The following SLC34A1 variants were observed in gnomAD, a reference collection of about 807,000 sequenced individuals.
SLC34A1 encodes solute carrier family 34 member 1.
In SLC34A1, 57 loss-of-function variants were observed where a neutral mutation model predicts 51.4. The ratio of observed to expected loss-of-function variants is 1.11; its 90% CI spans 0.90 to 1.38. SLC34A1 has a LOEUF of 1.38. Among genes scored for constraint, SLC34A1 ranks in the 40% most tolerant of loss-of-function variants. The probability of loss-of-function intolerance (pLI) is 0.00; values close to 1 mark genes in which losing one functional copy is unlikely to be tolerated. For synonymous variants in SLC34A1, 368 were observed against 358.0 expected, an observed-to-expected ratio of 1.03 and a Z score of -0.32; for missense variants, 796 against 835.6, an observed-to-expected ratio of 0.95 and a Z score of 0.58.
Position 177,386,255 on chromosome 5 carries a change from C to T in SLC34A1, c.294C>T (p.Gly98=), listed in dbSNP as rs767269039. 44 of 1,613,920 alleles carry T rather than the reference C, an allele frequency of 2.7e-5. No individual in the cohort carries two copies. In the Admixed American group the frequency reaches 2.8e-4, roughly 10 times the overall value. The change falls in exon 4 of 13, where the codon GGC becomes GGT. Residue 98 remains glycine (G), a synonymous_variant. Transcript: ENST00000324417. This position sits in a 1 kb window ranked among gnomAD's most constrained non-coding sequence, Gnocchi z 4.8. ...TGGTCCCCAAGCTGCGCCAGGCTGGCGCCATGCTGCTCAAGGTGCCACTGA... is the reference window on the plus strand; with the variant it reads ...TGGTCCCCAAGCTGCGCCAGGCTGGTGCCATGCTGCTCAAGGTGCCACTGA... ...SRLVPKLRQA[G]AMLLKVPLML...
intron 1 of SLC34A1, 81 bp from the exon 2 acceptor site, chr5:177,385,614 T>C: frequency 1.4e-6 from 1 of 733,286 alleles, no homozygotes; most frequent in Non-Finnish European, 2.5e-6. Context: ...TAGGTGTGTA[T>C]TTGGAATCAT....
In SLC34A1 at chr5:177,397,919, A is replaced by G. The variant is rs1381474689; in HGVS notation, c.1553A>G (p.Tyr518Cys). Residue 518 changes from tyrosine to cysteine, a missense_variant, in exon 13 of 13, where the codon TAT becomes TGT. By Grantham distance (194) the Tyr-to-Cys change is radical. Coordinates refer to ENST00000324417, the MANE Select transcript of SLC34A1 (RefSeq NM_003052.5). Reference sequence around the variant, plus strand: ...AAGTACCGCTGGTTTGCCGTCCTCTATCTCCTTGTCTGCTTCCTGCTGCTG... The same window carrying G: ...AAGTACCGCTGGTTTGCCGTCCTCTGTCTCCTTGTCTGCTTCCTGCTGCTG... The part of the protein sequence containing the change: ...TAKYRWFAVL[Y>C]LLVCFLLLPS... The G allele has an allele frequency of 1.9e-6, 3 of 1,614,024 alleles. No homozygotes were observed. In the Admixed American group the frequency reaches 5.0e-5, roughly 27 times the overall value.
At chr5:177,387,556 C>T (rs1349993584) in intron 5 of SLC34A1, among the ~76,000 whole-genome samples, 1 of 152,240 alleles carries the variant, frequency 6.6e-6, no homozygotes, top group Non-Finnish European at 1.5e-5. Flanking sequence ...AGCACGTGTA[C>T]ATCTACTCGC....
Position 177,398,528 on chromosome 5 carries a change from A to G in SLC34A1, c.*242A>G, listed in dbSNP as rs1763045779. The stretch of plus-strand genomic sequence containing the variant: ...TATTTGTGTACAGGTGTGCCAGCCC[A>G]TGCAGGTGTACACAGACACACCTGT... On this transcript the variant is annotated 3_prime_UTR_variant, in exon 13 of 13. Transcript: ENST00000324417. The surrounding 1 kb of genome is among the most constrained non-coding windows in gnomAD (Gnocchi z 4.7). The G allele has an allele frequency of 3.3e-6, 2 of 606,764 alleles. No individual in the cohort carries two copies. The highest frequency in any genetic ancestry group is 6.0e-6 in the Non-Finnish European group (2 of 333,290). 37.6% of individuals were successfully genotyped at this position (606,764 alleles called of 1,614,324 possible).
Position 177,386,901 on chromosome 5 carries a change from T to C in SLC34A1, c.532+335T>C, listed in dbSNP as rs55989426. On this transcript the variant is annotated intron_variant, in intron 5 of 12. Transcript: ENST00000324417. The surrounding 1 kb of genome is among the most constrained non-coding windows in gnomAD (Gnocchi z 4.8). The stretch of plus-strand genomic sequence containing the variant: ...TTCTCAGGGAAGCCTCAGTTCTGCT[T>C]GAGGCCTTTCATTCTATTGGATTAG... 0.077 allele frequency among the ~76,000 whole-genome samples: 11,683 copies of C among 151,958 alleles called. 1,481 individuals carry two copies. The highest frequency in any genetic ancestry group is 0.26 in the African/African-American group (10,900 of 41,364).
At chr5:177,397,583 C>A in intron 12 of SLC34A1, 200 bp from the exon 13 acceptor site, 1 of 659,920 alleles carries the variant, frequency 1.5e-6, no homozygotes, top group Non-Finnish European at 2.6e-6. Flanking sequence ...TATTTACCAA[C>A]TGGTCTAGAA....
Position 177,397,006 on chromosome 5 carries a change from G to C in SLC34A1, c.1348G>C (p.Gly450Arg). The part of the protein sequence containing the change: ...AYPLTLGSNI[G>R]TTTTAILAAL... ...CCCGCTCACACTGGGTTCCAACATC[G>C]GCACCACCACCACGGCCATCCTGGC... The change falls in exon 12 of 13, where the codon GGC (glycine) becomes CGC (arginine). Residue 450 changes from glycine (G) to arginine (R), a missense_variant. Transcript: ENST00000324417. 6.2e-7 allele frequency: 1 copy of C among 1,614,116 alleles called. No homozygotes were observed. The highest frequency in any genetic ancestry group is 1.7e-5 in the Admixed American group (1 of 60,026).
At position 177,393,770 on chromosome 5, in the gene SLC34A1, G is replaced by A. The variant is rs1441195461; in HGVS notation, c.1006+7G>A. ...AATGCCACCATGGAGAAATGTAAGT[G>A]CCTGCAACATGGGAGGTGTCCTGCA... On this transcript the variant is annotated splice_region_variant and intron_variant, in intron 9 of 12. Coordinates refer to ENST00000324417, the MANE Select transcript of SLC34A1 (RefSeq NM_003052.5). The A allele has an allele frequency of 6.2e-7, 1 of 1,614,082 alleles. No homozygotes were observed. The highest frequency in any genetic ancestry group is 8.5e-7 in the Non-Finnish European group (1 of 1,179,960).
chr5:177,397,568 G>A, intron 12 of SLC34A1: 1 of 637,700 alleles, frequency 1.6e-6, no homozygotes. Flanking sequence ...GCTCAGGGCA[G>A]TAGTTATTTA....
At chr5:177,391,238 C>A (rs531455169) in intron 8 of SLC34A1, among the ~76,000 whole-genome samples, 8 of 152,210 alleles carry the variant, frequency 5.3e-5, no homozygotes, top group African/African-American at 1.9e-4. Context: ...TGCTCCCTCC[C>A]GGCAGTTCAC....
chr5:177,392,501 C>A lies in SLC34A1; in HGVS notation c.937-1193C>A, dbSNP rs1762839379. ...TAAATAAATAAATAACTTCTTAACCCAACAAGGCTACAAATGAGTTGTCCA... is the reference window on the plus strand; with the variant it reads ...TAAATAAATAAATAACTTCTTAACCAAACAAGGCTACAAATGAGTTGTCCA... On this transcript the variant is annotated intron_variant, in intron 8 of 12. Transcript: ENST00000324417. Among the ~76,000 whole-genome samples, 6 of 152,074 alleles carry A rather than the reference C, an allele frequency of 3.9e-5. No homozygotes were observed. In the South Asian group the frequency reaches 1.2e-3, roughly 31 times the overall value.
At position 177,386,372 on chromosome 5, in the gene SLC34A1, C is replaced by G; in HGVS notation, c.388+23C>G. 1 of 1,614,214 alleles carries G rather than the reference C, an allele frequency of 6.2e-7. No homozygotes were observed. The highest frequency in any genetic ancestry group is 1.1e-5 in the South Asian group (1 of 91,086). On this transcript the variant is annotated intron_variant, in intron 4 of 12. Coordinates refer to ENST00000324417, the MANE Select transcript of SLC34A1 (RefSeq NM_003052.5). The surrounding 1 kb of genome is among the most constrained non-coding windows in gnomAD (Gnocchi z 4.8). ...GAGGTAGGGCCCGGGTGGAGGAGACCTGGGAGGGGTTCCTGAAGGGCCTTG... is the reference window on the plus strand; with the variant it reads ...GAGGTAGGGCCCGGGTGGAGGAGACGTGGGAGGGGTTCCTGAAGGGCCTTG...
intron 1 of SLC34A1, among the ~76,000 whole-genome samples, chr5:177,385,011 T>G (rs1373874834): frequency 6.6e-6 from 1 of 151,872 alleles, no homozygotes; most frequent in Non-Finnish European, 1.5e-5. Flanking sequence ...CCTGGGGCAG[T>G]GCGGGGACAA....
intron 1 of SLC34A1, among the ~76,000 whole-genome samples, chr5:177,385,394 GTGAA>G (rs1419821023): frequency 3.3e-5 from 5 of 152,234 alleles, no homozygotes; most frequent in Admixed American, 3.3e-4. Context: ...TGAGTGAATG[GTGAA>G]TGAATGATCA....
chr5:177,387,235 A>T (rs551248496), intron 5 of SLC34A1, among the ~76,000 whole-genome samples: 3 of 151,772 alleles, frequency 2.0e-5, no homozygotes, highest in Admixed American at 2.0e-4. Flanking sequence ...AACAACAAAA[A>T]CCAAAAAGCA....
Position 177,386,267 on chromosome 5 carries a change from C to G in SLC34A1, c.306C>G (p.Leu102=). 3 of 1,614,226 alleles carry G rather than the reference C, an allele frequency of 1.9e-6. No individual in the cohort carries two copies. Among genetic ancestry groups the G allele is most frequent in the Non-Finnish European group, 2.5e-6 (3 of 1,180,036 alleles). The change falls in exon 4 of 13, where the codon CTC becomes CTG. Residue 102 remains leucine, a synonymous_variant. Coordinates refer to ENST00000324417, the MANE Select transcript of SLC34A1 (RefSeq NM_003052.5). This position sits in a 1 kb window ranked among gnomAD's most constrained non-coding sequence, Gnocchi z 4.8. ...TGCGCCAGGCTGGCGCCATGCTGCT[C>G]AAGGTGCCACTGATGCTCACCTTCC... The part of the protein sequence containing the change: ...PKLRQAGAML[L]KVPLMLTFLY...
rs1762963564 is a variant in SLC34A1 at position 177,396,477 on chromosome 5, C to CGCTCTGACCCCAGCCTGCTGGGAT, written c.1175-254_1175-253insTCTGACCCCAGCCTGCTGGGATGC. Among the ~76,000 whole-genome samples, 3 of 139,266 alleles carry CGCTCTGACCCCAGCCTGCTGGGAT rather than the reference C, an allele frequency of 2.2e-5. No individual in the cohort carries two copies. The South Asian group carries it at 7.5e-4, about 35-fold the overall frequency. The allele number at this position is 139,266 out of a possible 152,430, so 91.4% of individuals were successfully genotyped here. ...CGGAGGTCCGCTCTCCCAGTGCCCC[C>CGCTCTGACCCCAGCCTGCTGGGAT]GCGGAGGTCCTCTCTCCCAGTGCCC... On this transcript the variant is annotated intron_variant, in intron 10 of 12. Transcript: ENST00000324417. This position sits in a 1 kb window ranked among gnomAD's most constrained non-coding sequence, Gnocchi z 4.0.
intron 8 of SLC34A1, among the ~76,000 whole-genome samples, chr5:177,393,120 C>A (rs1256095196): frequency 6.6e-6 from 1 of 152,186 alleles, no homozygotes; most frequent in African/African-American, 2.4e-5. Flanking sequence ...CCGGCCCGGA[C>A]CTGTGGCCTT....
chr5:177,398,482 C>A lies in SLC34A1; in HGVS notation c.*196C>A. The A allele has an allele frequency of 1.5e-6, 1 of 682,634 alleles. No homozygotes were observed. Among genetic ancestry groups the A allele is most frequent in the Non-Finnish European group, 2.6e-6 (1 of 380,904 alleles). The allele number at this position is 682,634 out of a possible 1,614,324, so 42.3% of individuals were successfully genotyped here. A position where few individuals can be genotyped will look rare whatever the true frequency, so the allele number is the denominator to read the frequency against. On this transcript the variant is annotated 3_prime_UTR_variant, in exon 13 of 13. Coordinates refer to ENST00000324417, the MANE Select transcript of SLC34A1 (RefSeq NM_003052.5). The surrounding 1 kb of genome is among the most constrained non-coding windows in gnomAD (Gnocchi z 4.7). ...GTGTGGGGGTGAGTCTGCATGTGCA[C>A]CTGTCATGTGTAGAAGCTTGTATTT... is the stretch of plus-strand genomic sequence containing the variant.
Sources: gnomAD v4.1 joint callset for allele counts (sites outside exome capture counted in the v4.1 genomes callset) on GRCh38, gnomAD v4.1.1 for gene constraint, Gnocchi (gnomAD v3.1) non-coding constraint, MANE v1.5 for transcripts, NCBI Gene and HGNC (gene_info 2026-07-23, HGNC 2026-07-21) for gene names.